Variants in DAB1 observed in about 807,000 individuals in gnomAD.
The protein encoded by DAB1 is DAB adaptor protein 1.
A neutral mutation model predicts 64.6 loss-of-function variants in DAB1; 15 were observed. The ratio of observed to expected loss-of-function variants is 0.23; its 90% CI spans 0.16 to 0.36. The LOEUF (loss-of-function observed/expected upper bound fraction) is 0.36, where lower values mean the gene tolerates loss of function less well. Among genes scored for constraint, DAB1 ranks in the 10% least tolerant of loss-of-function variants. The pLI, the probability that DAB1 is intolerant of heterozygous loss-of-function variation, is 1.00. For synonymous variants in DAB1, 235 were observed against 251.9 expected (o/e 0.93, Z 0.64); for missense variants, 596 against 706.7 (o/e 0.84, Z 1.78).
intron 6 of DAB1, among the ~76,000 whole-genome samples, chr1:57,740,706 C>T (rs1039685518): frequency 1.3e-5 from 2 of 152,104 alleles, no homozygotes; most frequent in African/African-American, 4.8e-5. Context: ...AGAAGAGTGC[C>T]TCTACACAGT....
intron 7 of DAB1, among the ~76,000 whole-genome samples, chr1:57,473,959 A>C (rs1219981192): frequency 1.3e-5 from 2 of 152,226 alleles, no homozygotes; most frequent in East Asian, 3.8e-4. Flanking sequence ...AAAATGTGTT[A>C]CCAGATTTAC....
At chr1:57,227,559 GTGTT>G (rs1466307844) in intron 2 of DAB1, among the ~76,000 whole-genome samples, 2 of 146,608 alleles carry the variant, frequency 1.4e-5, no homozygotes, top group Non-Finnish European at 3.0e-5. Flanking sequence ...GTGTGTGTGT[GTGTT>G]TGGTTTTGTT....
chr1:57,639,541 G>A (rs12718425), intron 7 of DAB1, among the ~76,000 whole-genome samples: 76,006 of 151,914 alleles, frequency 0.5, 19,500 homozygotes, highest in East Asian at 0.68. Context: ...AGAGGGCAGT[G>A]TGAAGGAGGG....
chr1:57,497,454 A>T (rs1271511668), intron 7 of DAB1, among the ~76,000 whole-genome samples: 1 of 152,188 alleles, frequency 6.6e-6, no homozygotes, highest in Non-Finnish European at 1.5e-5. Flanking sequence ...AAGAGTAGTG[A>T]GCCAGAAAGA....
chr1:57,769,818 A>G (rs2101828889), intron 6 of DAB1, among the ~76,000 whole-genome samples: 1 of 152,224 alleles, frequency 6.6e-6, no homozygotes, highest in Non-Finnish European at 1.5e-5. Context: ...GTTCATGTGG[A>G]AAAATTATCA....
At chr1:58,369,421 C>A (rs888963458) in intron 3 of DAB1, among the ~76,000 whole-genome samples, 1 of 152,136 alleles carries the variant, frequency 6.6e-6, no homozygotes, top group Non-Finnish European at 1.5e-5. Flanking sequence ...ACAGCTGATG[C>A]TATTTTATAG....
chr1:58,211,472 A>G (rs1295558375), intron 4 of DAB1, among the ~76,000 whole-genome samples: 1 of 152,188 alleles, frequency 6.6e-6, no homozygotes. Flanking sequence ...TTGTGCAATG[A>G]TTTTTAGTCA....
chr1:57,635,570 T>C (rs1311611667), intron 7 of DAB1, among the ~76,000 whole-genome samples: 1 of 152,152 alleles, frequency 6.6e-6, no homozygotes. Flanking sequence ...ACACCCTCAG[T>C]TGCAGGAAAA....
At chr1:57,352,670 C>A (rs527319687) in intron 1 of DAB1, among the ~76,000 whole-genome samples, 1 of 152,262 alleles carries the variant, frequency 6.6e-6, no homozygotes, top group South Asian at 2.1e-4. Flanking sequence ...TTTGAACCCA[C>A]ACATTCTAGT....
At chr1:58,267,905 A>G (rs577662364) in intron 4 of DAB1, among the ~76,000 whole-genome samples, 3 of 152,166 alleles carry the variant, frequency 2.0e-5, no homozygotes, top group Admixed American at 1.3e-4. Flanking sequence ...AAAACTCCCT[A>G]TTGCAGTCCT....
intron 1 of DAB1, among the ~76,000 whole-genome samples, chr1:57,409,784 G>A (rs922744258): frequency 2.0e-5 from 3 of 152,170 alleles, no homozygotes; most frequent in Non-Finnish European, 2.9e-5. Flanking sequence ...ACTCCAGCCT[G>A]GGTGACAGAG....
Position 57,175,063 on chromosome 1 carries a change from T to C in DAB1, c.68-29634A>G, listed in dbSNP as rs1309577473. Among the ~76,000 whole-genome samples the C allele has an allele frequency of 2.6e-5, 4 of 152,174 alleles. No individual in the cohort carries two copies. In the South Asian group the frequency reaches 8.3e-4, roughly 32 times the overall value. On this transcript the variant is annotated intron_variant, in intron 2 of 14. Transcript: ENST00000371236. ...CAGAAGGACGCGACATTTTGGTTAC[T>C]TTCCAAGTGCTTTAAGATCCTTACT...
chr1:58,341,377 T>G (rs1277904354), intron 4 of DAB1, among the ~76,000 whole-genome samples: 20 of 152,318 alleles, frequency 1.3e-4, no homozygotes. Context: ...AAACTTGGAC[T>G]GAAACCCAAT....
intron 4 of DAB1, among the ~76,000 whole-genome samples, chr1:58,259,241 A>G (rs1471233086): frequency 6.6e-6 from 1 of 152,180 alleles, no homozygotes; most frequent in Non-Finnish European, 1.5e-5. Flanking sequence ...CACATGCCCA[A>G]AGGTGATTTA....
At chr1:58,406,038 A>G (rs1644613167) in intron 3 of DAB1, among the ~76,000 whole-genome samples, 1 of 152,160 alleles carries the variant, frequency 6.6e-6, no homozygotes, top group African/African-American at 2.4e-5. Context: ...ATCTCACTTA[A>G]TCCTTTGTGG....
chr1:57,080,750 A>ACACG (rs1455543403), intron 4 of DAB1, among the ~76,000 whole-genome samples: 1 of 137,688 alleles, frequency 7.3e-6, no homozygotes, highest in African/African-American at 3.0e-5. Flanking sequence ...ACACACACAC[A>ACACG]CACACGCACA....
At chr1:57,847,953 T>C (rs569985614) in intron 1 of DAB1, among the ~76,000 whole-genome samples, 18 of 152,336 alleles carry the variant, frequency 1.2e-4, no homozygotes, top group African/African-American at 4.3e-4. Context: ...AGTAGGAGAT[T>C]ATTATCCCTG....
intron 3 of DAB1, among the ~76,000 whole-genome samples, chr1:58,436,333 G>C (rs190263925): frequency 6.0e-4 from 91 of 152,354 alleles, no homozygotes; most frequent in African/African-American, 2.1e-3. Context: ...CTTTGGAGGA[G>C]AGTGAAGAGA....
intron 5 of DAB1, among the ~76,000 whole-genome samples, chr1:57,907,548 T>C (rs985329152): frequency 6.6e-6 from 1 of 152,146 alleles, no homozygotes. Context: ...CTAAGCAATG[T>C]ATATGTATTA....
Sources: allele counts gnomAD v4.1 joint callset (sites outside exome capture counted in the v4.1 genomes callset), GRCh38; gene constraint gnomAD v4.1.1; transcripts MANE v1.5; gene names NCBI Gene and HGNC (gene_info 2026-07-23, HGNC 2026-07-21).